The following DLGAP3 variants were observed in gnomAD, a reference collection of about 807,000 sequenced individuals.
DLGAP3 encodes the protein disks large-associated protein 3.
In DLGAP3, 17 loss-of-function variants were observed where a neutral mutation model predicts 81.2. That is an observed-to-expected ratio of 0.21 (90% confidence interval 0.14 to 0.31). The LOEUF is 0.31. DLGAP3 is among the 10% of genes least tolerant of loss of function. DLGAP3 has a pLI of 1.00. For synonymous variants in DLGAP3, 577 were observed against 587.4 expected (o/e 0.98, Z 0.26); for missense variants, 1,124 against 1,388.0 (o/e 0.81, Z 3.02).
At chr1:34,872,406 G>A (rs191718668) in intron 8 of DLGAP3, among the ~76,000 whole-genome samples, 70 of 152,302 alleles carry the variant, frequency 4.6e-4, no homozygotes, top group Admixed American at 9.1e-4. Context: ...GCCTGGCTGA[G>A]AAGGGAGGAA....
rs200121885 is a variant in DLGAP3 at position 34,897,925 on chromosome 1, T to C, written c.1386+1744A>G. ...GACTTCAGGCTTTTAAACCAGAGCT[T>C]CTAGAAGGATAAAGTTGCCATTATC... On this transcript the variant is annotated intron_variant, in intron 5 of 11. Transcript: ENST00000373347. Among the ~76,000 whole-genome samples, 262 of 152,222 alleles carry C rather than the reference T, an allele frequency of 1.7e-3. 1 individual carries two copies. The highest frequency in any genetic ancestry group is 6.1e-3 in the African/African-American group (255 of 41,532).
At chr1:34,923,117 A>G (rs957174760) in intron 1 of DLGAP3, among the ~76,000 whole-genome samples, 13 of 152,198 alleles carry the variant, frequency 8.5e-5, no homozygotes, top group Non-Finnish European at 1.5e-4. Flanking sequence ...TCTAAAAAAG[A>G]AAGAACGAAA....
At position 34,905,353 on chromosome 1, in the gene DLGAP3, G is replaced by A. The variant is rs1016303145; in HGVS notation, c.31C>T (p.His11Tyr). The change falls in exon 3 of 12, where the codon CAT becomes TAT. Residue 11 changes from histidine (H) to tyrosine (Y), a missense_variant. Coordinates refer to ENST00000373347, the MANE Select transcript of DLGAP3 (RefSeq NM_001080418.3). ...TCAGCAAAGCGGGCTGGGCGGGGAT[G>A]GCTGCCTCGGTCGCCATGGTAACCC... MRGYHGDRGS[H>Y]PRPARFADQQ... 4 of 1,555,772 alleles carry A rather than the reference G, an allele frequency of 2.6e-6. No individual in the cohort carries two copies. The highest frequency in any genetic ancestry group is 1.8e-4 in the Middle Eastern group (1 of 5,564).
At chr1:34,887,119 T>A (rs1415970878) in intron 5 of DLGAP3, among the ~76,000 whole-genome samples, 2 of 151,980 alleles carry the variant, frequency 1.3e-5, no homozygotes. Flanking sequence ...GACGCCCGGC[T>A]AATTTTTTTG....
chr1:34,907,663 G>T (rs1639577261), intron 1 of DLGAP3, among the ~76,000 whole-genome samples: 1 of 152,178 alleles, frequency 6.6e-6, no homozygotes, highest in South Asian at 2.1e-4. Context: ...CCAACTGCAG[G>T]TGTCTGTGGG....
rs2148402343 is a variant in DLGAP3, at chr1:34,886,204, G to A, written c.1468C>T (p.Leu490=). 1 of 1,611,382 alleles carries A rather than the reference G, an allele frequency of 6.2e-7. No homozygotes were observed. The highest frequency in any genetic ancestry group is 1.3e-5 in the African/African-American group (1 of 75,038). Reference sequence around the variant, plus strand: ...ATGCGGAAACAGCCGGGCAGGTCCAGGGCGTCCACGGCCTGGGACTCCAGC... The same window carrying A: ...ATGCGGAAACAGCCGGGCAGGTCCAAGGCGTCCACGGCCTGGGACTCCAGC... ...GELESQAVDA[L]DLPGCFRMRS... The change falls in exon 6 of 12, where the codon CTG becomes TTG. Residue 490 remains leucine, a synonymous_variant. Transcript: ENST00000373347.
intron 1 of DLGAP3, among the ~76,000 whole-genome samples, chr1:34,928,794 G>A (rs998330378): frequency 6.6e-6 from 1 of 151,082 alleles, no homozygotes; most frequent in African/African-American, 2.4e-5. Context: ...AGACAGTCAC[G>A]CCGGCACACA....
chr1:34,917,315 A>G (rs914569215), intron 1 of DLGAP3, among the ~76,000 whole-genome samples: 3 of 149,606 alleles, frequency 2.0e-5, no homozygotes, highest in Non-Finnish European at 4.4e-5. Context: ...CATACACCTC[A>G]TGTGCATTTC....
rs1302151736 is a variant in DLGAP3, at chr1:34,904,286, G to A, written c.1098C>T (p.His366=). 1 of 1,604,628 alleles carries A rather than the reference G, an allele frequency of 6.2e-7. No individual in the cohort carries two copies. Residue 366 remains histidine (H), a synonymous_variant, in exon 3 of 12, where the codon CAC becomes CAT. Coordinates refer to ENST00000373347, the MANE Select transcript of DLGAP3 (RefSeq NM_001080418.3). The surrounding 1 kb of genome is among the most constrained non-coding windows in gnomAD (Gnocchi z 8.1). ...PETKAKARTY[H]YLQVPQDDWG... ...CCCAAAAAAGCCTCACCTGCAGATA[G>A]TGATAAGTCCTGGCTTTGGCCTTGG...
intron 1 of DLGAP3, among the ~76,000 whole-genome samples, chr1:34,913,571 TTTTC>T (rs898759409): frequency 1.3e-5 from 2 of 152,302 alleles, no homozygotes; most frequent in East Asian, 1.9e-4. Flanking sequence ...TTTGAAATTA[TTTTC>T]TTTGTCTATT....
At chr1:34,890,207 C>G (rs1296361087) in intron 5 of DLGAP3, among the ~76,000 whole-genome samples, 1 of 152,154 alleles carries the variant, frequency 6.6e-6, no homozygotes, top group East Asian at 1.9e-4. Flanking sequence ...ATGGGCCACA[C>G]CCCTAAAATT....
rs1290015141 is a variant in DLGAP3, at chr1:34,868,301, C to G, written c.2485+304G>C. Among the ~76,000 whole-genome samples the G allele has an allele frequency of 6.6e-6, 1 of 152,164 alleles. No homozygotes were observed. The highest frequency in any genetic ancestry group is 2.4e-5 in the African/African-American group (1 of 41,440). On this transcript the variant is annotated intron_variant, in intron 9 of 11. Coordinates refer to ENST00000373347, the MANE Select transcript of DLGAP3 (RefSeq NM_001080418.3). This position sits in a 1 kb window ranked among gnomAD's most constrained non-coding sequence, Gnocchi z 7.5. ...AGATCTGAACGGAGTTCCCTTAGTC[C>G]CCATAAACTTGGTGATTTGGACTAG...
intron 1 of DLGAP3, among the ~76,000 whole-genome samples, chr1:34,918,299 G>C (rs1233862321): frequency 6.6e-6 from 1 of 152,226 alleles, no homozygotes; most frequent in Non-Finnish European, 1.5e-5. Flanking sequence ...CTCACCTCGA[G>C]GTGTGCCCTG....
chr1:34,918,094 A>G (rs1557503362), intron 1 of DLGAP3, among the ~76,000 whole-genome samples: 1 of 152,152 alleles, frequency 6.6e-6, no homozygotes, highest in African/African-American at 2.4e-5. Flanking sequence ...GAACCCTCAG[A>G]GGGGGGGTCT....
intron 5 of DLGAP3, among the ~76,000 whole-genome samples, chr1:34,887,471 C>T (rs1238545171): frequency 3.3e-5 from 5 of 151,776 alleles, no homozygotes; most frequent in African/African-American, 1.2e-4. Flanking sequence ...GGAACTGTGC[C>T]GCACACCACC....
chr1:34,902,769 A>G lies in DLGAP3; in HGVS notation c.1107+1508T>C, dbSNP rs1320347450. Among the ~76,000 whole-genome samples, 1 of 152,154 alleles carries G rather than the reference A, an allele frequency of 6.6e-6. No individual in the cohort carries two copies. The highest frequency in any genetic ancestry group is 6.5e-5 in the Admixed American group (1 of 15,284). Reference sequence around the variant, plus strand: ...TCTAGCCACTGCAGAGCTCCTCTGCAGGACACTGTGAGGTGCATGTTAAAA... The same window carrying G: ...TCTAGCCACTGCAGAGCTCCTCTGCGGGACACTGTGAGGTGCATGTTAAAA... On this transcript the variant is annotated intron_variant, in intron 3 of 11. Transcript: ENST00000373347. The surrounding 1 kb of genome is among the most constrained non-coding windows in gnomAD (Gnocchi z 4.4).
Position 34,905,330 on chromosome 1 carries a change from A to G in DLGAP3, c.54T>C (p.Ala18=). ...GGCCCACGTCCATATGCTGTTGGTC[A>G]GCAAAGCGGGCTGGGCGGGGATGGC... ...RGSHPRPARF[A]DQQHMDVGPA... The change falls in exon 3 of 12, where the codon GCT becomes GCC. Residue 18 remains alanine (A), a synonymous_variant. Transcript: ENST00000373347. 1 of 1,561,106 alleles carries G rather than the reference A, an allele frequency of 6.4e-7. No individual in the cohort carries two copies. Among genetic ancestry groups the G allele is most frequent in the East Asian group, 2.4e-5 (1 of 41,980 alleles).
chr1:34,920,768 T>C (rs778517264), intron 1 of DLGAP3, among the ~76,000 whole-genome samples: 2 of 152,192 alleles, frequency 1.3e-5, no homozygotes, highest in Non-Finnish European at 2.9e-5. Flanking sequence ...CCAAGCTGAA[T>C]ACTCTTCTGG....
At chr1:34,879,160 T>C (rs1028933172) in intron 8 of DLGAP3, among the ~76,000 whole-genome samples, 11 of 152,108 alleles carry the variant, frequency 7.2e-5, no homozygotes, top group African/African-American at 2.7e-4. Flanking sequence ...TTACATTTAT[T>C]GGGCATTTTA....
Sources: allele counts gnomAD v4.1 joint callset (sites outside exome capture counted in the v4.1 genomes callset), GRCh38; gene constraint gnomAD v4.1.1; non-coding constraint Gnocchi (gnomAD v3.1); transcripts MANE v1.5; gene names NCBI Gene and HGNC (gene_info 2026-07-23, HGNC 2026-07-21).